BRSK2: variants seen among roughly 807,000 people sequenced by gnomAD.
BRSK2 encodes the protein serine/threonine-protein kinase BRSK2.
In BRSK2, 19 loss-of-function variants were observed where a neutral mutation model predicts 83.3. The observed-to-expected ratio is 0.23, with a 90% confidence interval of 0.16 to 0.33. The LOEUF is 0.33. Among genes scored for constraint, BRSK2 ranks in the 10% least tolerant of loss-of-function variants. The probability of loss-of-function intolerance (pLI) is 1.00; values close to 1 mark genes in which losing one functional copy is unlikely to be tolerated. For synonymous variants in BRSK2, 519 were observed against 435.4 expected (o/e 1.19, Z -2.39); for missense variants, 798 against 1,042.3 (o/e 0.77, Z 3.23).
chr11:1,460,460 C>CTTTTTTTTTTTTTTTTTTTTT lies in BRSK2; in HGVS notation c.1988-40_1988-39insTTTTTTTTTTTTTTTTTTTTT, dbSNP rs781049550. The CTTTTTTTTTTTTTTTTTTTTT allele has an allele frequency of 5.3e-6, 6 of 1,122,766 alleles. 2 individuals are homozygous for CTTTTTTTTTTTTTTTTTTTTT. Among genetic ancestry groups the CTTTTTTTTTTTTTTTTTTTTT allele is most frequent in the African/African-American group, 1.8e-5 (1 of 54,552 alleles). 69.6% of individuals were successfully genotyped at this position (1,122,766 alleles called of 1,614,324 possible). On this transcript the variant is annotated intron_variant, in intron 19 of 19. Transcript: ENST00000528841. ...TCTCTCCCCCTTTTTTTTCTTTTTT[C>CTTTTTTTTTTTTTTTTTTTTT]CTTTTTTTTTTTTTTTTTGTCTCTG... is the stretch of plus-strand genomic sequence containing the variant.
chr11:1,457,919 C>T (rs1015016368), intron 18 of BRSK2, among the ~76,000 whole-genome samples: 3 of 152,200 alleles, frequency 2.0e-5, no homozygotes, highest in Admixed American at 6.5e-5. Context: ...TTTTGGGAGC[C>T]AGGCTGGCAC....
chr11:1,445,048 G>A (rs376875912), intron 9 of BRSK2, 46 bp downstream of exon 9: 412 of 1,597,066 alleles, frequency 2.6e-4, no homozygotes, highest in Non-Finnish European at 3.5e-4. Context: ...GCCTGTTGCT[G>A]TGGCCTGGAG....
Position 1,460,628 on chromosome 11 carries a change from G to A in BRSK2, c.2116G>A (p.Ala706Thr). Reference sequence around the variant, plus strand: ...CCACGGCCCACTCGGTGACTCCGCGGCCGCTGGCCCTGGCCCCGGAGGGGA... The same window carrying A: ...CCACGGCCCACTCGGTGACTCCGCGACCGCTGGCCCTGGCCCCGGAGGGGA... ...SAHGPLGDSA[A>T]AGPGPGGDAE... is the part of the protein sequence containing the mutation. The change falls in exon 20 of 20, where the codon GCC (alanine) becomes ACC (threonine). Residue 706 changes from alanine (A) to threonine (T), a missense_variant. Ala to Thr is a moderately conservative substitution (Grantham distance 58). Around this residue, in one of 6 missense-constraint regions of BRSK2, gnomAD observed 455 missense variants for 455.2 expected, o/e 1.00. Transcript: ENST00000528841. 1 of 1,530,442 alleles carries A rather than the reference G, an allele frequency of 6.5e-7. No individual in the cohort carries two copies. Among genetic ancestry groups the A allele is most frequent in the Non-Finnish European group, 8.7e-7 (1 of 1,143,622 alleles). 94.8% of individuals were successfully genotyped at this position (1,530,442 alleles called of 1,614,324 possible). A position where few individuals can be genotyped will look rare whatever the true frequency, so the allele number is the denominator to read the frequency against.
At chr11:1,393,983 GC>G (rs1168562154) in intron 1 of BRSK2, among the ~76,000 whole-genome samples, 1 of 122,514 alleles carries the variant, frequency 8.2e-6, no homozygotes, top group African/African-American at 3.0e-5. Flanking sequence ...CTGGAGATGG[GC>G]CATGGAGATG....
Position 1,403,409 on chromosome 11 carries a change from TGCTGGGGTTGGA to T in BRSK2, c.91+13039_91+13050del, listed in dbSNP as rs139107137. Among the ~76,000 whole-genome samples, 1,356 of 152,282 alleles carry T rather than the reference TGCTGGGGTTGGA, an allele frequency of 8.9e-3. 18 individuals carry two copies. Among genetic ancestry groups the T allele is most frequent in the African/African-American group, 0.03 (1,262 of 41,582 alleles). On this transcript the variant is annotated intron_variant, in intron 1 of 19. Coordinates refer to ENST00000528841, the MANE Select transcript of BRSK2 (RefSeq NM_001256627.2). ...GCTACCCTGCTGGTGCCCCTGCTGG[TGCTGGGGTTGGA>T]GCTGAAGGCTGCTCTTGGGCCTGGG...
intron 16 of BRSK2, 61 bp from the exon 17 acceptor site, chr11:1,456,287 C>A: frequency 6.8e-7 from 1 of 1,472,332 alleles, no homozygotes; most frequent in South Asian, 1.4e-5. Context: ...GGGCTGCCTC[C>A]CCAGAGGGCC....
At chr11:1,421,851 G>T (rs1848658606) in intron 1 of BRSK2, among the ~76,000 whole-genome samples, 1 of 152,164 alleles carries the variant, frequency 6.6e-6, no homozygotes. Context: ...CCCTCTCGGG[G>T]CAGGTGGGAG....
intron 1 of BRSK2, chr11:1,410,552 G>A (rs1409535870): frequency 5.1e-6 from 5 of 985,340 alleles, no homozygotes; most frequent in Non-Finnish European, 2.4e-6. Context: ...ACGAGACGCC[G>A]CTTTTGATGT....
intron 1 of BRSK2, among the ~76,000 whole-genome samples, chr11:1,429,189 G>A (rs371624310): frequency 1.2e-4 from 18 of 149,046 alleles, no homozygotes; most frequent in South Asian, 8.6e-4. Context: ...GTGCATGCGC[G>A]TGTGCATGGG....
At chr11:1,408,814 TGTG>T (rs1468767897) in intron 1 of BRSK2, among the ~76,000 whole-genome samples, 3 of 139,512 alleles carry the variant, frequency 2.2e-5, no homozygotes, top group African/African-American at 6.1e-5. Flanking sequence ...CCTGTGCTGG[TGTG>T]TGTGTGTGTG....
Position 1,454,607 on chromosome 11 carries a change from C to A in BRSK2, c.1667C>A (p.Ser556Ter). ...GCTGACATCGTGCACGCCTTCCTGT[C>A]GGTGAGGCCACAGGGCGCTGGGGGA... ...IKADIVHAFL[S>*]IPSLSHSVIS... The change falls in exon 16 of 20, where the codon TCG (serine) becomes TAG (stop). Residue 556 changes from serine (S) to a stop codon, truncating the protein, a stop_gained and splice_region_variant. Coordinates refer to ENST00000528841, the MANE Select transcript of BRSK2 (RefSeq NM_001256627.2). LOFTEE classifies it high-confidence loss of function. The surrounding 1 kb of genome is among the most constrained non-coding windows in gnomAD (Gnocchi z 5.2). The A allele has an allele frequency of 6.2e-7, 1 of 1,612,756 alleles. No homozygotes were observed. The highest frequency in any genetic ancestry group is 1.1e-5 in the South Asian group (1 of 91,038).
intron 1 of BRSK2, chr11:1,411,441 C>G: frequency 1.4e-6 from 2 of 1,468,344 alleles, no homozygotes; most frequent in Non-Finnish European, 1.8e-6. Context: ...ATGGGCACGT[C>G]CCCGCCGGCC....
At chr11:1,419,249 T>G (rs11606302) in intron 1 of BRSK2, among the ~76,000 whole-genome samples, 1 of 149,926 alleles carries the variant, frequency 6.7e-6, no homozygotes, top group African/African-American at 2.5e-5. Flanking sequence ...CAGCTGTGTT[T>G]GTGGGCTCTG....
chr11:1,459,891 G>A (rs1383288482), intron 19 of BRSK2, among the ~76,000 whole-genome samples: 3 of 152,244 alleles, frequency 2.0e-5, no homozygotes. Context: ...TGTCCAAGCT[G>A]GCCAGGGGTC....
chr11:1,459,566 G>C, intron 19 of BRSK2: 1 of 376,828 alleles, frequency 2.7e-6, no homozygotes, highest in South Asian at 3.2e-5. Context: ...CTAGGGGAGG[G>C]GCCGGTGCCC....
intron 1 of BRSK2, among the ~76,000 whole-genome samples, chr11:1,427,008 C>T (rs959658665): frequency 5.9e-5 from 9 of 152,098 alleles, no homozygotes; most frequent in African/African-American, 1.2e-4. Context: ...GAGGGGGCTG[C>T]GCGGGGTCCT....
At chr11:1,400,000 CATTT>C (rs1420800361) in intron 1 of BRSK2, among the ~76,000 whole-genome samples, 1 of 152,232 alleles carries the variant, frequency 6.6e-6, no homozygotes, top group African/African-American at 2.4e-5. Flanking sequence ...TCCCAGCCAC[CATTT>C]ATTGTAAACA....
At chr11:1,419,730 T>G (rs1213334816) in intron 1 of BRSK2, among the ~76,000 whole-genome samples, 1 of 152,152 alleles carries the variant, frequency 6.6e-6, no homozygotes, top group Non-Finnish European at 1.5e-5. Context: ...GCCAACATAG[T>G]GAAACCCCGT....
chr11:1,437,059 C>T (rs968551826), intron 2 of BRSK2, among the ~76,000 whole-genome samples: 12 of 152,110 alleles, frequency 7.9e-5, no homozygotes, highest in Middle Eastern at 3.4e-3. Context: ...GGGTCCCACC[C>T]TGCCTTGGAG....
Sources: allele counts gnomAD v4.1 joint callset (sites outside exome capture counted in the v4.1 genomes callset), GRCh38; gene constraint gnomAD v4.1.1; regional missense constraint gnomAD v4.1.1; non-coding constraint Gnocchi (gnomAD v3.1); transcripts MANE v1.5; gene names NCBI Gene and HGNC (gene_info 2026-07-23, HGNC 2026-07-21).